Variants in EIF2S2 observed in about 807,000 individuals in gnomAD.
EIF2S2 encodes eukaryotic translation initiation factor 2 subunit 2.
In EIF2S2, 4 loss-of-function variants were observed where a neutral mutation model predicts 44.0. The observed-to-expected ratio is 0.09, with a 90% CI of 0.04 to 0.21. The LOEUF (loss-of-function observed/expected upper bound fraction) is 0.21, where lower values mean the gene tolerates loss of function less well. EIF2S2 is among the 10% of genes least tolerant of loss of function. The pLI is 1.00. For synonymous variants in EIF2S2, 108 were observed against 128.3 expected (o/e 0.84, Z 1.07); for missense variants, 154 against 392.0 (o/e 0.39, Z 5.13).
intron 4 of EIF2S2, among the ~76,000 whole-genome samples, chr20:34,098,102 CGA>C (rs1370075493): frequency 6.6e-6 from 1 of 151,944 alleles, no homozygotes; most frequent in Non-Finnish European, 1.5e-5. Context: ...CAAAATTAGC[CGA>C]GAGTGGTGGC....
chr20:34,097,632 A>G, intron 4 of EIF2S2, 116 bp from the exon 5 acceptor site: 1 of 734,272 alleles, frequency 1.4e-6, no homozygotes, highest in Non-Finnish European at 2.2e-6. Flanking sequence ...CCACAGCTGC[A>G]TTCACAACAG....
chr20:34,093,659 G>A lies in EIF2S2; in HGVS notation c.740+16C>T, dbSNP rs2034194742. On this transcript the variant is annotated intron_variant, in intron 7 of 8. Transcript: ENST00000374980. ...ATGTCCAGCAGTACTGTATGTAAAT[G>A]TATACAGTTTCTTACCTTGTACCCA... is the stretch of plus-strand genomic sequence containing the variant. The A allele has an allele frequency of 6.3e-7, 1 of 1,592,878 alleles. No homozygotes were observed.
intron 1 of EIF2S2, among the ~76,000 whole-genome samples, chr20:34,107,293 C>G (rs2122436447): frequency 6.6e-6 from 1 of 152,262 alleles, no homozygotes; most frequent in African/African-American, 2.4e-5. Context: ...TAATACCATG[C>G]TTAAATTCAG....
chr20:34,094,771 A>G (rs2034208309), intron 6 of EIF2S2, among the ~76,000 whole-genome samples: 1 of 152,192 alleles, frequency 6.6e-6, no homozygotes, highest in Non-Finnish European at 1.5e-5. Context: ...AATGCCATTC[A>G]ATATTTTCAT....
chr20:34,105,869 T>G (rs1311712227), intron 1 of EIF2S2, among the ~76,000 whole-genome samples: 1 of 152,192 alleles, frequency 6.6e-6, no homozygotes. Context: ...ACCTATGCTA[T>G]GCCCCTCACT....
intron 1 of EIF2S2, chr20:34,108,213 A>G (rs1454695867): frequency 1.3e-5 from 2 of 152,210 alleles, no homozygotes; most frequent in African/African-American, 4.8e-5. Flanking sequence ...ACAGCCTCAC[A>G]AGTGCCTTCT....
intron 2 of EIF2S2, 109 bp from the exon 3 acceptor site, chr20:34,103,674 T>A: frequency 7.4e-7 from 1 of 1,354,540 alleles, no homozygotes. Context: ...AGACTGACTA[T>A]TAATTAGTCC....
intron 7 of EIF2S2, among the ~76,000 whole-genome samples, chr20:34,092,065 A>T (rs1025890412): frequency 3.9e-5 from 6 of 152,242 alleles, no homozygotes; most frequent in Non-Finnish European, 7.3e-5. Context: ...TATAAATCAT[A>T]AAGTGAAACA....
At chr20:34,092,753 C>T (rs1216325468) in intron 7 of EIF2S2, among the ~76,000 whole-genome samples, 2 of 152,198 alleles carry the variant, frequency 1.3e-5, no homozygotes, top group Admixed American at 6.5e-5. Flanking sequence ...TACCCCTTAA[C>T]CCCACACCAA....
At chr20:34,098,847 C>T (rs1381964525) in intron 3 of EIF2S2, among the ~76,000 whole-genome samples, 1 of 151,996 alleles carries the variant, frequency 6.6e-6, no homozygotes, top group Admixed American at 6.6e-5. Flanking sequence ...TTAAAAATGA[C>T]GTGGGCTGAC....
rs1430283692 is a variant in EIF2S2, at chr20:34,096,820, T to A, written c.535-15A>T. 6.2e-7 allele frequency: 1 copy of A among 1,600,638 alleles called. No individual in the cohort carries two copies. The highest frequency in any genetic ancestry group is 8.5e-7 in the Non-Finnish European group (1 of 1,175,756). On this transcript the variant is annotated splice_polypyrimidine_tract_variant and intron_variant, in intron 5 of 8. Transcript: ENST00000374980. ...CGATTCAGCAGCTATAAAAATAAAG[T>A]GGTATTCATGAATACGCTTAGTAAC... is the stretch of plus-strand genomic sequence containing the variant.
chr20:34,100,076 A>G (rs6142097), intron 3 of EIF2S2, among the ~76,000 whole-genome samples: 112,608 of 152,142 alleles, frequency 0.74, 42,141 homozygotes, highest in South Asian at 0.85. Flanking sequence ...GTGCAGTGGC[A>G]TGATCTCGGC....
chr20:34,108,309 T>C (rs2034371524), intron 1 of EIF2S2: 2 of 152,198 alleles, frequency 1.3e-5, no homozygotes, highest in Non-Finnish European at 2.9e-5. Flanking sequence ...AATCATAAAC[T>C]GAAATAATTA....
At chr20:34,108,502 A>C (rs563737449) in intron 1 of EIF2S2, among the ~76,000 whole-genome samples, 2 of 152,298 alleles carry the variant, frequency 1.3e-5, no homozygotes, top group East Asian at 3.9e-4. Context: ...TAAGACTTTC[A>C]TGTCTAGCTT....
intron 6 of EIF2S2, among the ~76,000 whole-genome samples, chr20:34,096,111 T>C (rs986753615): frequency 1.3e-5 from 2 of 152,160 alleles, no homozygotes; most frequent in African/African-American, 4.8e-5. Context: ...GAGCAACTGA[T>C]GAGCCTTTCC....
intron 7 of EIF2S2, among the ~76,000 whole-genome samples, chr20:34,093,074 A>G (rs1026152502): frequency 1.3e-5 from 2 of 152,232 alleles, no homozygotes; most frequent in African/African-American, 4.8e-5. Context: ...TGCATTAGTC[A>G]TCATTATCAT....
Position 34,097,908 on chromosome 20 carries a change from G to A in EIF2S2, c.434-392C>T, listed in dbSNP as rs542831095. Among the ~76,000 whole-genome samples the A allele has an allele frequency of 2.0e-5, 3 of 152,248 alleles. No homozygotes were observed. The South Asian group carries it at 6.2e-4, about 32-fold the overall frequency. ...TTCTCTAAAGACCCTATAGCATTTA[G>A]AAACTAATAAAACTGTAAACACGAG... On this transcript the variant is annotated intron_variant, in intron 4 of 8. Coordinates refer to ENST00000374980, the MANE Select transcript of EIF2S2 (RefSeq NM_003908.5).
Position 34,097,419 on chromosome 20 carries a change from C to A in EIF2S2, c.531G>T (p.Glu177Asp), listed in dbSNP as rs17856024. 2,085 of 1,612,400 alleles carry A rather than the reference C, an allele frequency of 1.3e-3. 27 individuals carry two copies. In the African/African-American group the frequency reaches 0.024, roughly 19 times the overall value. Reference sequence around the variant, plus strand: ...TTCACAACAGATTTTGTCTTACCTCCTCGTATGTGTAGTCTCTTTCTGAGC... The same window carrying A: ...TTCACAACAGATTTTGTCTTACCTCATCGTATGTGTAGTCTCTTTCTGAGC... ...WAGSERDYTY[E>D]ELLNRVFNIM... The change falls in exon 5 of 9, where the codon GAG becomes GAT. Residue 177 changes from glutamate to aspartate, a missense_variant. Coordinates refer to ENST00000374980, the MANE Select transcript of EIF2S2 (RefSeq NM_003908.5).
At chr20:34,091,998 G>C (rs891164998) in intron 7 of EIF2S2, among the ~76,000 whole-genome samples, 1 of 152,102 alleles carries the variant, frequency 6.6e-6, no homozygotes, top group South Asian at 2.1e-4. Context: ...GGAAACTGTT[G>C]ACAGGCACTT....
Sources: allele counts gnomAD v4.1 joint callset (sites outside exome capture counted in the v4.1 genomes callset), GRCh38; gene constraint gnomAD v4.1.1; transcripts MANE v1.5; gene names NCBI Gene and HGNC (gene_info 2026-07-23, HGNC 2026-07-21).